Variants in GPHN observed in about 807,000 individuals in gnomAD.
GPHN encodes gephyrin.
In GPHN, 17 loss-of-function variants were observed where a neutral mutation model predicts 95.5. That is an observed-to-expected ratio of 0.18 (90% CI 0.12 to 0.27). The LOEUF (loss-of-function observed/expected upper bound fraction) is 0.27. Ranked by LOEUF, GPHN falls within the 10% of genes least tolerant of loss-of-function variation. The pLI is 1.00. For synonymous variants in GPHN, 320 were observed against 322.5 expected (o/e 0.99, Z 0.08); for missense variants, 660 against 978.1 (o/e 0.67, Z 4.34).
intron 12 of GPHN, among the ~76,000 whole-genome samples, chr14:67,091,689 TA>T (rs569308202): frequency 0.021 from 3,103 of 147,198 alleles, 39 homozygotes; most frequent in Middle Eastern, 0.032. Context: ...GCAGCTCAAT[TA>T]AAAAAAAAAA....
intron 2 of GPHN, among the ~76,000 whole-genome samples, chr14:66,758,537 A>C (rs568994094): frequency 6.6e-6 from 1 of 152,276 alleles, no homozygotes; most frequent in African/African-American, 2.4e-5. Context: ...TGATGGCCTG[A>C]AGGCGAGAAG....
At chr14:67,478,292 A>C in the GPHN span, among the ~76,000 whole-genome samples, 1 of 152,332 alleles carries the variant, frequency 6.6e-6, no homozygotes, top group African/African-American at 2.4e-5. Flanking sequence ...CATGCCCACC[A>C]TCATCCCACT....
At chr14:66,704,555 A>G (rs1040851259) in intron 2 of GPHN, among the ~76,000 whole-genome samples, 1 of 152,154 alleles carries the variant, frequency 6.6e-6, no homozygotes, top group Admixed American at 6.5e-5. Context: ...CTGCTCCAGA[A>G]TGACTCCTGG....
chr14:67,097,366 G>T (rs1054535926), intron 12 of GPHN, among the ~76,000 whole-genome samples: 1 of 152,164 alleles, frequency 6.6e-6, no homozygotes, highest in Non-Finnish European at 1.5e-5. Context: ...AGTTATCTTG[G>T]TATTCTCAGG....
chr14:67,390,511 T>C, the GPHN span: 1 of 686,758 alleles, frequency 1.5e-6, no homozygotes, highest in Non-Finnish European at 2.7e-6. Flanking sequence ...GCAGAGCAGC[T>C]TGGACTGTGG....
At chr14:66,769,905 G>A (rs554916739) in intron 2 of GPHN, among the ~76,000 whole-genome samples, 14 of 152,114 alleles carry the variant, frequency 9.2e-5, no homozygotes, top group African/African-American at 2.6e-4. Flanking sequence ...GAATTGCCAC[G>A]GTGCTTTCCG....
the GPHN span, among the ~76,000 whole-genome samples, chr14:67,552,501 C>G: frequency 4.8e-3 from 735 of 152,318 alleles, 5 homozygotes; most frequent in Non-Finnish European, 7.1e-3. Flanking sequence ...GGTGCGGTGG[C>G]TCACGCCTGT....
the GPHN span, among the ~76,000 whole-genome samples, chr14:67,449,214 C>T: frequency 1.3e-5 from 2 of 152,180 alleles, no homozygotes; most frequent in East Asian, 3.8e-4. Flanking sequence ...TGAAAATTAA[C>T]TTAAATTGGT....
the GPHN span, among the ~76,000 whole-genome samples, chr14:67,251,498 A>C: frequency 1.3e-5 from 2 of 152,186 alleles, no homozygotes; most frequent in Non-Finnish European, 1.5e-5. Flanking sequence ...GCACCATTGC[A>C]CTTCAGCCTG....
At chr14:67,316,778 T>C in the GPHN span, 1,924 of 1,439,470 alleles carry the variant, frequency 1.3e-3, 49 homozygotes, top group South Asian at 0.024. Flanking sequence ...AAAAAAAAAA[T>C]TCTTATCCTT....
At chr14:66,583,891 A>G (rs1306927067) in intron 1 of GPHN, among the ~76,000 whole-genome samples, 2 of 151,762 alleles carry the variant, frequency 1.3e-5, no homozygotes, top group Non-Finnish European at 2.9e-5. Flanking sequence ...TTCCATATGA[A>G]CTTTAAAGTA....
chr14:67,668,660 T>TG, the GPHN span, among the ~76,000 whole-genome samples: 1 of 114,914 alleles, frequency 8.7e-6, no homozygotes, highest in Non-Finnish European at 2.4e-5. Flanking sequence ...GGAAACACAG[T>TG]GAAAAAAAGA....
chr14:67,568,461 G>A, the GPHN span, among the ~76,000 whole-genome samples: 36 of 152,198 alleles, frequency 2.4e-4, no homozygotes, highest in African/African-American at 8.2e-4. Context: ...GTGGCGGTGG[G>A]GGAGTATTAG....
At chr14:67,243,085 ATAT>A in the GPHN span, among the ~76,000 whole-genome samples, 1 of 152,190 alleles carries the variant, frequency 6.6e-6, no homozygotes, top group East Asian at 1.9e-4. Context: ...TCAATTTTAT[ATAT>A]TATTTACTGA....
intron 10 of GPHN, among the ~76,000 whole-genome samples, chr14:67,056,203 T>G (rs1313593047): frequency 2.0e-5 from 3 of 152,236 alleles, no homozygotes; most frequent in African/African-American, 7.2e-5. Context: ...GAGAGCTGAT[T>G]GGTCCGTTTT....
chr14:67,665,956 GA>G, the GPHN span, among the ~76,000 whole-genome samples: 148 of 152,328 alleles, frequency 9.7e-4, 1 homozygote, highest in African/African-American at 3.4e-3. Context: ...TACTGTTCCT[GA>G]GGGGGATGTG....
chr14:67,397,738 A>C, the GPHN span: 6 of 1,612,622 alleles, frequency 3.7e-6, no homozygotes, highest in Non-Finnish European at 5.1e-6. Context: ...GGGAGGGGTC[A>C]CTCTCCGACC....
chr14:67,192,130 CAT>C, the GPHN span, among the ~76,000 whole-genome samples: 2 of 152,246 alleles, frequency 1.3e-5, no homozygotes, highest in Admixed American at 1.3e-4. Flanking sequence ...TTCCCTGCAA[CAT>C]AGCTCTGCAT....
chr14:66,913,267 T>A (rs1232610603), intron 5 of GPHN, among the ~76,000 whole-genome samples: 1 of 152,136 alleles, frequency 6.6e-6, no homozygotes, highest in African/African-American at 2.4e-5. Flanking sequence ...CAAAATGCAC[T>A]TGGTGCTTTT....
Sources: allele counts gnomAD v4.1 joint callset (sites outside exome capture counted in the v4.1 genomes callset), GRCh38; gene constraint gnomAD v4.1.1; transcripts MANE v1.5; gene names NCBI Gene and HGNC (gene_info 2026-07-23, HGNC 2026-07-21).